EPS8: variants seen among roughly 807,000 people sequenced by gnomAD.
EPS8 encodes epidermal growth factor receptor kinase substrate 8.
A neutral mutation model predicts 103.8 loss-of-function variants in EPS8; 42 were observed. The observed-to-expected ratio is 0.40, with a 90% confidence interval of 0.32 to 0.52. The LOEUF (loss-of-function observed/expected upper bound fraction) is 0.52, where lower values mean the gene tolerates loss of function less well. EPS8 is among the 20% of genes least tolerant of loss of function. EPS8 has a pLI of 0.40. For synonymous variants in EPS8, 344 were observed against 344.6 expected (o/e 1.00, Z 0.02); for missense variants, 969 against 1,005.1 (o/e 0.96, Z 0.49).
At chr12:15,622,753 C>A in intron 20 of EPS8, among the ~76,000 whole-genome samples, 1 of 150,070 alleles carries the variant, frequency 6.7e-6, no homozygotes. Flanking sequence ...CAGGGTTTTA[C>A]AATCTTATAA....
chr12:15,629,697 A>G (rs1945010527), intron 18 of EPS8, among the ~76,000 whole-genome samples: 1 of 152,220 alleles, frequency 6.6e-6, no homozygotes, highest in South Asian at 2.1e-4. Flanking sequence ...CAAGATAGAT[A>G]TGACAGTCAT....
At chr12:15,712,848 C>G in intron 1 of EPS8, 1 of 984,846 alleles carries the variant, frequency 1.0e-6, no homozygotes, top group Non-Finnish European at 1.2e-6. Flanking sequence ...TTCAAACTTA[C>G]CTACCCACAC....
intron 1 of EPS8, among the ~76,000 whole-genome samples, chr12:15,726,794 A>G (rs1300754525): frequency 6.6e-6 from 1 of 152,232 alleles, no homozygotes; most frequent in Non-Finnish European, 1.5e-5. Context: ...AGTGCCTACT[A>G]TGTAGTGTGT....
intron 19 of EPS8, among the ~76,000 whole-genome samples, chr12:15,623,898 T>C (rs1432755180): frequency 6.6e-6 from 1 of 152,178 alleles, no homozygotes; most frequent in African/African-American, 2.4e-5. Flanking sequence ...GAAGTTCAGC[T>C]AAGACCATGG....
Position 15,700,680 on chromosome 12 carries a change from T to A in EPS8, c.-21-17708A>T, listed in dbSNP as rs145725898. The stretch of plus-strand genomic sequence containing the variant: ...CCATGTATCAATGATGATTTTAACA[T>A]GTGAAAAGCAGAACTTTTGGTAAAA... On this transcript the variant is annotated intron_variant, in intron 1 of 20. Transcript: ENST00000281172. The surrounding 1 kb of genome is among the most constrained non-coding windows in gnomAD (Gnocchi z 5.1). Among the ~76,000 whole-genome samples, 10 of 152,272 alleles carry A rather than the reference T, an allele frequency of 6.6e-5. No individual in the cohort carries two copies. In the East Asian group the frequency reaches 1.9e-3, roughly 29 times the overall value.
chr12:15,700,336 T>G lies in EPS8; in HGVS notation c.-21-17364A>C, dbSNP rs1946296650. Among the ~76,000 whole-genome samples, 1 of 152,222 alleles carries G rather than the reference T, an allele frequency of 6.6e-6. No individual in the cohort carries two copies. The highest frequency in any genetic ancestry group is 2.4e-5 in the African/African-American group (1 of 41,452). ...GGTGTGGCAAACTAGTACAGTCTTT[T>G]GCAAAATAATCCCTGAACTGAAATT... On this transcript the variant is annotated intron_variant, in intron 1 of 20. Transcript: ENST00000281172. This position sits in a 1 kb window ranked among gnomAD's most constrained non-coding sequence, Gnocchi z 5.1.
intron 12 of EPS8, among the ~76,000 whole-genome samples, chr12:15,654,751 T>C (rs908365921): frequency 6.6e-6 from 1 of 152,134 alleles, no homozygotes; most frequent in East Asian, 1.9e-4. Context: ...TGGCTGTGCC[T>C]ATACACACAT....
At chr12:15,705,375 G>C (rs1946371659) in intron 1 of EPS8, among the ~76,000 whole-genome samples, 1 of 152,078 alleles carries the variant, frequency 6.6e-6, no homozygotes, top group South Asian at 2.1e-4. Flanking sequence ...AAAATTTTCA[G>C]TGTCTATTTT....
intron 2 of EPS8, 104 bp downstream of exon 2, chr12:15,682,789 T>C (rs1946030844): frequency 3.0e-6 from 2 of 660,074 alleles, no homozygotes; most frequent in Non-Finnish European, 5.3e-6. Context: ...AATGAACTAC[T>C]GAACTACACA....
rs985714102 is a variant in EPS8 at position 15,781,002 on chromosome 12, T to C, written c.-22+8159A>G. 2.0e-5 allele frequency among the ~76,000 whole-genome samples: 3 copies of C among 152,194 alleles called. No homozygotes were observed. The highest frequency in any genetic ancestry group is 4.8e-5 in the African/African-American group (2 of 41,464). ...TTGGCCTTAAATACATCAGGGAACT[T>C]AACTGACTCAGTTCCCTGCCCTTGA... is the stretch of plus-strand genomic sequence containing the variant. On this transcript the variant is annotated intron_variant, in intron 1 of 20. Coordinates refer to ENST00000281172, the MANE Select transcript of EPS8 (RefSeq NM_004447.6). This position sits in a 1 kb window ranked among gnomAD's most constrained non-coding sequence, Gnocchi z 4.1.
chr12:15,712,730 A>T (rs950789995), intron 1 of EPS8: 3 of 346,272 alleles, frequency 8.7e-6, no homozygotes, highest in Non-Finnish European at 1.2e-5. Context: ...AAGCAATCAA[A>T]GGGCTTACTT....
chr12:15,760,790 G>A lies in EPS8; in HGVS notation c.-22+28371C>T, dbSNP rs1369643082. ...ACCCTCAAAAAGCTGGGAACAGAAAGAATATACCTTAACATAATAAAAGCC... is the reference window on the plus strand; with the variant it reads ...ACCCTCAAAAAGCTGGGAACAGAAAAAATATACCTTAACATAATAAAAGCC... On this transcript the variant is annotated intron_variant, in intron 1 of 20. Transcript: ENST00000281172. The surrounding 1 kb of genome is among the most constrained non-coding windows in gnomAD (Gnocchi z 4.5). 1.3e-5 allele frequency among the ~76,000 whole-genome samples: 2 copies of A among 151,980 alleles called. No individual in the cohort carries two copies. The highest frequency in any genetic ancestry group is 4.8e-5 in the African/African-American group (2 of 41,402).
Position 15,779,435 on chromosome 12 carries a change from G to A in EPS8, c.-22+9726C>T, listed in dbSNP as rs1947238601. Among the ~76,000 whole-genome samples the A allele has an allele frequency of 6.6e-6, 1 of 152,126 alleles. No homozygotes were observed. Among genetic ancestry groups the A allele is most frequent in the East Asian group, 1.9e-4 (1 of 5,194 alleles). On this transcript the variant is annotated intron_variant, in intron 1 of 20. Coordinates refer to ENST00000281172, the MANE Select transcript of EPS8 (RefSeq NM_004447.6). The surrounding 1 kb of genome is among the most constrained non-coding windows in gnomAD (Gnocchi z 4.3). ...ATCAACTTTAAATGTCAAAATTATT[G>A]CAGAAAATTAGATAAACTGTAATCA...
chr12:15,763,650 T>G (rs1252782470), intron 1 of EPS8, among the ~76,000 whole-genome samples: 1 of 152,126 alleles, frequency 6.6e-6, no homozygotes, highest in African/African-American at 2.4e-5. Context: ...GATGATAAAA[T>G]TAGAAAAAAA....
chr12:15,631,528 T>A lies in EPS8; in HGVS notation c.1958A>T (p.Asn653Ile), dbSNP rs755664982. 2 of 1,613,906 alleles carry A rather than the reference T, an allele frequency of 1.2e-6. No individual in the cohort carries two copies. Among genetic ancestry groups the A allele is most frequent in the Non-Finnish European group, 1.7e-6 (2 of 1,179,962 alleles). The change falls in exon 18 of 21, where the codon AAT (asparagine) becomes ATT (isoleucine). Residue 653 changes from asparagine to isoleucine, a missense_variant. Coordinates refer to ENST00000281172, the MANE Select transcript of EPS8 (RefSeq NM_004447.6). ...GGAGCTGCTGTTTTGACGTGTTATA[T>A]TTGCTGGGACCTTTGACACAGGAAC... is the stretch of plus-strand genomic sequence containing the variant. ...APVPVSKVPA[N>I]ITRQNSSSSD...
chr12:15,782,124 C>G (rs1456193327), intron 1 of EPS8: 2 of 152,108 alleles, frequency 1.3e-5, no homozygotes, highest in Non-Finnish European at 2.9e-5. Context: ...CAGGTTTGAA[C>G]TACATGGGTC....
rs1947071057 is a variant in EPS8, at chr12:15,764,280, C to T, written c.-22+24881G>A. Among the ~76,000 whole-genome samples, 1 of 152,182 alleles carries T rather than the reference C, an allele frequency of 6.6e-6. No homozygotes were observed. The highest frequency in any genetic ancestry group is 2.4e-5 in the African/African-American group (1 of 41,446). ...ATGATTCAGTTACCTCCCACCGGGT[C>T]CCTCTCATGACACATGGGAATTATG... On this transcript the variant is annotated intron_variant, in intron 1 of 20. Transcript: ENST00000281172. The surrounding 1 kb of genome is among the most constrained non-coding windows in gnomAD (Gnocchi z 4.1).
chr12:15,641,190 G>C (rs1945222495), intron 16 of EPS8, among the ~76,000 whole-genome samples: 1 of 152,038 alleles, frequency 6.6e-6, no homozygotes, highest in African/African-American at 2.4e-5. Context: ...GAAAGAAAAA[G>C]TATATAAAAA....
rs138584102 is a variant in EPS8 at position 15,702,945 on chromosome 12, T to C, written c.-21-19973A>G. Among the ~76,000 whole-genome samples, 401 of 152,226 alleles carry C rather than the reference T, an allele frequency of 2.6e-3. 3 individuals carry two copies. The highest frequency in any genetic ancestry group is 9.3e-3 in the African/African-American group (387 of 41,540). On this transcript the variant is annotated intron_variant, in intron 1 of 20. Transcript: ENST00000281172. The surrounding 1 kb of genome is among the most constrained non-coding windows in gnomAD (Gnocchi z 5.1). ...GTGGGTGGATCACAAGGTCAGGAGA[T>C]TGAGACCATCCTGGCCAACATAGTG...
Sources: gnomAD v4.1 joint callset for allele counts (sites outside exome capture counted in the v4.1 genomes callset) on GRCh38, gnomAD v4.1.1 for gene constraint, Gnocchi (gnomAD v3.1) non-coding constraint, MANE v1.5 for transcripts, NCBI Gene and HGNC (gene_info 2026-07-23, HGNC 2026-07-21) for gene names.